The following FAM222A variants were observed in gnomAD, a reference collection of about 807,000 sequenced individuals.
FAM222A encodes family with sequence similarity 222 member A.
Under a neutral mutation model 25.8 loss-of-function variants are expected in FAM222A, and 7 were observed. The observed-to-expected ratio is 0.27, with a 90% confidence interval of 0.15 to 0.51. FAM222A has a LOEUF of 0.51. Among genes scored for constraint, FAM222A ranks in the 20% least tolerant of loss-of-function variants. The probability of loss-of-function intolerance (pLI) is 0.97; values close to 1 mark genes in which losing one functional copy is unlikely to be tolerated. For missense variants in FAM222A, 573 were observed against 640.5 expected (o/e 0.89, Z 1.14); for synonymous variants, 294 against 298.8 (o/e 0.98, Z 0.17).
intron 1 of FAM222A, among the ~76,000 whole-genome samples, chr12:109,729,147 A>T (rs1423273760): frequency 3.9e-5 from 6 of 152,222 alleles, no homozygotes; most frequent in Non-Finnish European, 7.3e-5. Context: ...CCCTCAGGAC[A>T]CATCAGCCCA....
chr12:109,720,236 C>CT, intron 1 of FAM222A: 1 of 970,170 alleles, frequency 1.0e-6, no homozygotes, highest in African/African-American at 1.8e-5. Context: ...GGACAAAGGC[C>CT]TGGGAGGTCA....
chr12:109,730,406 CG>C (rs56107932), intron 1 of FAM222A, among the ~76,000 whole-genome samples: 88,909 of 120,330 alleles, frequency 0.74, 29,596 homozygotes, highest in East Asian at 0.88. Flanking sequence ...GCCTGGGGGG[CG>C]GGGGGGGGGG....
At chr12:109,740,381 C>CT (rs926382346) in intron 1 of FAM222A, among the ~76,000 whole-genome samples, 5 of 152,180 alleles carry the variant, frequency 3.3e-5, no homozygotes, top group Admixed American at 6.5e-5. Context: ...CCTGCCCCCC[C>CT]TTTTTTTATT....
At chr12:109,725,429 TCCCTCC>T (rs1465675224) in intron 1 of FAM222A, among the ~76,000 whole-genome samples, 1 of 141,704 alleles carries the variant, frequency 7.1e-6, no homozygotes, top group Admixed American at 7.1e-5. Flanking sequence ...CTTCTCCCTC[TCCCTCC>T]CCCTCCCTCC....
intron 1 of FAM222A, among the ~76,000 whole-genome samples, chr12:109,725,008 A>C (rs938193143): frequency 6.6e-6 from 1 of 152,130 alleles, no homozygotes; most frequent in Non-Finnish European, 1.5e-5. Flanking sequence ...TCCATTCTAC[A>C]GGTGGGGGAA....
chr12:109,758,711 A>T (rs1317100910), intron 2 of FAM222A, among the ~76,000 whole-genome samples: 1 of 152,086 alleles, frequency 6.6e-6, no homozygotes, highest in Non-Finnish European at 1.5e-5. Context: ...GTGTCACGTT[A>T]ATTGAGCATT....
rs117697919 is a variant in FAM222A at position 109,739,885 on chromosome 12, G to A, written c.-46-4216G>A. Reference sequence around the variant, plus strand: ...TGTGAAATGGAGCCACAGAGGCCACGAGGAGGAGGCGCATGGGCTTGGTAC... The same window carrying A: ...TGTGAAATGGAGCCACAGAGGCCACAAGGAGGAGGCGCATGGGCTTGGTAC... On this transcript the variant is annotated intron_variant, in intron 1 of 2. Coordinates refer to ENST00000538780, the MANE Select transcript of FAM222A (RefSeq NM_032829.3). 6.2e-4 allele frequency among the ~76,000 whole-genome samples: 95 copies of A among 152,324 alleles called. 1 individual carries two copies. The East Asian group carries it at 0.015, about 24-fold the overall frequency.
Position 109,713,832 on chromosome 12 carries a change from C to T in FAM222A, c.-1112C>T, listed in dbSNP as rs1566180989. 6.6e-6 allele frequency among the ~76,000 whole-genome samples: 1 copy of T among 150,930 alleles called. No homozygotes were observed. The highest frequency in any genetic ancestry group is 2.4e-5 in the African/African-American group (1 of 41,210). ...CCGGCGCTCGCGCCTGTCAGTCGGG[C>T]CAGAGCGGAGCAGCGGGCAGGACTG... On this transcript the variant is annotated 5_prime_UTR_variant, in exon 1 of 3. Coordinates refer to ENST00000538780, the MANE Select transcript of FAM222A (RefSeq NM_032829.3).
At chr12:109,731,978 G>C (rs750155038) in intron 1 of FAM222A, among the ~76,000 whole-genome samples, 2 of 152,338 alleles carry the variant, frequency 1.3e-5, no homozygotes, top group Non-Finnish European at 2.9e-5. Flanking sequence ...CTGAGGCCCA[G>C]CCTTCTCACT....
intron 1 of FAM222A, among the ~76,000 whole-genome samples, chr12:109,742,732 T>C (rs1398981143): frequency 1.3e-5 from 2 of 151,850 alleles, no homozygotes; most frequent in East Asian, 3.9e-4. Flanking sequence ...TAGGGCATAA[T>C]GAAAGGTGGT....
At chr12:109,721,516 TC>T (rs1433122834) in intron 1 of FAM222A, among the ~76,000 whole-genome samples, 1 of 152,246 alleles carries the variant, frequency 6.6e-6, no homozygotes, top group African/African-American at 2.4e-5. Context: ...GACCTTGGGT[TC>T]CTTCCAGGGC....
chr12:109,732,687 GGTGGGGGGAGGTGT>G (rs1300393353), intron 1 of FAM222A, among the ~76,000 whole-genome samples: 2 of 152,090 alleles, frequency 1.3e-5, no homozygotes, highest in African/African-American at 2.4e-5. Context: ...AGGGGAGGTG[GGTGGGGGGAGGTGT>G]GTGTGAGAGT....
chr12:109,752,224 G>A (rs187639004), intron 2 of FAM222A, among the ~76,000 whole-genome samples: 368 of 152,334 alleles, frequency 2.4e-3, no homozygotes, highest in Middle Eastern at 0.014. Flanking sequence ...GGAGAGTGTG[G>A]ATGGTCACCA....
intron 1 of FAM222A, among the ~76,000 whole-genome samples, chr12:109,724,876 T>C (rs777797653): frequency 4.6e-5 from 7 of 152,114 alleles, no homozygotes; most frequent in Non-Finnish European, 8.8e-5. Flanking sequence ...GAGGGAGGTA[T>C]TTGGAGGGCT....
chr12:109,730,603 G>GC (rs149280516), intron 1 of FAM222A, among the ~76,000 whole-genome samples: 2 of 152,266 alleles, frequency 1.3e-5, no homozygotes, highest in East Asian at 3.9e-4. Context: ...TCTTCTCTGG[G>GC]CCCCCTGAAG....
intron 2 of FAM222A, among the ~76,000 whole-genome samples, chr12:109,764,234 A>AAAAAAAAAAG (rs1368476223): frequency 6.6e-6 from 1 of 150,914 alleles, no homozygotes; most frequent in East Asian, 1.9e-4. Context: ...AAAAAAAAAA[A>AAAAAAAAAAG]AAAGCCATGG....
At chr12:109,739,422 C>T (rs923829713) in intron 1 of FAM222A, among the ~76,000 whole-genome samples, 2 of 152,126 alleles carry the variant, frequency 1.3e-5, no homozygotes, top group African/African-American at 4.8e-5. Flanking sequence ...CAGGGCTGGC[C>T]CTCAAAAGAT....
At chr12:109,730,517 C>A (rs1235586614) in intron 1 of FAM222A, among the ~76,000 whole-genome samples, 1 of 152,286 alleles carries the variant, frequency 6.6e-6, no homozygotes, top group African/African-American at 2.4e-5. Flanking sequence ...AGGTGCTGCC[C>A]TTGCCCTTGG....
chr12:109,722,746 G>C (rs1181483717), intron 1 of FAM222A: 1 of 152,254 alleles, frequency 6.6e-6, no homozygotes, highest in Admixed American at 6.5e-5. Flanking sequence ...CTGGCGGGCA[G>C]TGTGGGCCCA....
Sources: gnomAD v4.1 joint callset for allele counts (sites outside exome capture counted in the v4.1 genomes callset) on GRCh38, gnomAD v4.1.1 for gene constraint, MANE v1.5 for transcripts, NCBI Gene and HGNC (gene_info 2026-07-23, HGNC 2026-07-21) for gene names.